The following HECA variants were observed in gnomAD, a reference collection of about 807,000 sequenced individuals.
HECA encodes HECA ribonucleoprotein granule regulator, also known as headcase protein homolog.
Under a neutral mutation model 37.6 loss-of-function variants are expected in HECA, and 13 were observed. The observed-to-expected ratio is 0.35, with a 90% CI of 0.23 to 0.55. HECA has a LOEUF of 0.55. Among genes scored for constraint, HECA ranks in the 20% least tolerant of loss-of-function variants. The pLI, the probability that HECA is intolerant of heterozygous loss-of-function variation, is 0.90. For synonymous variants in HECA, 307 were observed against 291.5 expected (o/e 1.05, Z -0.54); for missense variants, 527 against 701.9 (o/e 0.75, Z 2.82).
intron 2 of HECA, chr6:139,169,713 GGACTTTTTCACAT>G (rs920629656): frequency 6.6e-6 from 1 of 152,166 alleles, no homozygotes; most frequent in African/African-American, 2.4e-5. Flanking sequence ...AGGCTAGCTT[GGACTTTTTCACAT>G]GTTGCTCTCA....
At chr6:139,173,511 C>T (rs964489941) in intron 2 of HECA, among the ~76,000 whole-genome samples, 2 of 152,168 alleles carry the variant, frequency 1.3e-5, no homozygotes, top group African/African-American at 2.4e-5. Context: ...TGACTGATGG[C>T]AGTGAGCAGC....
At position 139,166,309 on chromosome 6, in the gene HECA, C is replaced by A. The variant is rs369530266; in HGVS notation, c.297C>A (p.Ile99=). 2.5e-6 allele frequency: 4 copies of A among 1,610,270 alleles called. No homozygotes were observed. Among genetic ancestry groups the A allele is most frequent in the Non-Finnish European group, 3.4e-6 (4 of 1,177,502 alleles). ...KNEAPCATPL[I]CSFGRPVDLE... Reference sequence around the variant, plus strand: ...AAGCCCCATGTGCCACTCCCCTGATCTGCAGCTTCGGTAGGCCGGTGGACC... The same window carrying A: ...AAGCCCCATGTGCCACTCCCCTGATATGCAGCTTCGGTAGGCCGGTGGACC... The change falls in exon 2 of 4, where the codon ATC becomes ATA. Residue 99 remains isoleucine, a synonymous_variant. Coordinates refer to ENST00000367658, the MANE Select transcript of HECA (RefSeq NM_016217.3).
intron 1 of HECA, among the ~76,000 whole-genome samples, chr6:139,135,873 G>C (rs1156872876): frequency 1.3e-5 from 2 of 151,666 alleles, no homozygotes; most frequent in Non-Finnish European, 1.5e-5. Context: ...CGGTGTCCGC[G>C]CGGGGGGCAG....
chr6:139,148,759 CTG>C (rs1774614217), intron 1 of HECA, among the ~76,000 whole-genome samples: 1 of 151,978 alleles, frequency 6.6e-6, no homozygotes, highest in African/African-American at 2.4e-5. Flanking sequence ...GAGGGAGACT[CTG>C]TCTCCAAAAA....
At chr6:139,140,940 G>C (rs933797034) in intron 1 of HECA, among the ~76,000 whole-genome samples, 1 of 152,014 alleles carries the variant, frequency 6.6e-6, no homozygotes, top group Admixed American at 6.6e-5. Context: ...ACAGGCACCC[G>C]CCACAATGCC....
At chr6:139,146,151 G>C (rs908908947) in intron 1 of HECA, among the ~76,000 whole-genome samples, 7 of 152,088 alleles carry the variant, frequency 4.6e-5, no homozygotes, top group Non-Finnish European at 8.8e-5. Context: ...CATTTTATTG[G>C]AAATTCATTA....
chr6:139,161,507 G>A (rs1774801907), intron 1 of HECA, among the ~76,000 whole-genome samples: 1 of 152,182 alleles, frequency 6.6e-6, no homozygotes, highest in South Asian at 2.1e-4. Flanking sequence ...TGTGTTCCAT[G>A]TGTGCACTTC....
chr6:139,136,045 C>T (rs1353765364), intron 1 of HECA, among the ~76,000 whole-genome samples: 3 of 151,934 alleles, frequency 2.0e-5, no homozygotes, highest in South Asian at 2.1e-4. Context: ...CGATTGAAAA[C>T]TTAGGCACCG....
At chr6:139,139,458 C>T (rs1434833323) in intron 1 of HECA, among the ~76,000 whole-genome samples, 1 of 152,164 alleles carries the variant, frequency 6.6e-6, no homozygotes, top group East Asian at 1.9e-4. Flanking sequence ...GAAGTATTAG[C>T]TGTTTGTCTT....
rs542236157 is a variant in HECA at position 139,142,567 on chromosome 6, T to C, written c.271+6900T>C. On this transcript the variant is annotated intron_variant, in intron 1 of 3. Transcript: ENST00000367658. ...CAGCAACTGGAGGGCCCCATTTGCA[T>C]CCGGAATTTGGAGCAGATGCTGTCG... Among the ~76,000 whole-genome samples the C allele has an allele frequency of 4.6e-5, 7 of 152,214 alleles. No individual in the cohort carries two copies. In the East Asian group the frequency reaches 1.4e-3, roughly 29 times the overall value.
At chr6:139,152,418 A>ATGTG (rs56410451) in intron 1 of HECA, among the ~76,000 whole-genome samples, 3,693 of 147,474 alleles carry the variant, frequency 0.025, 115 homozygotes, top group African/African-American at 0.074. Flanking sequence ...GAAGCATTGG[A>ATGTG]TGTGTGTGTG....
intron 1 of HECA, 59 bp downstream of exon 1, chr6:139,135,726 G>A (rs1226195730): frequency 3.0e-5 from 24 of 803,752 alleles, no homozygotes; most frequent in Non-Finnish European, 3.2e-5. Context: ...CGGCGCGGTG[G>A]CGGGGCCCTG....
intron 1 of HECA, chr6:139,150,969 C>G (rs1284807285): frequency 6.6e-6 from 1 of 152,200 alleles, no homozygotes; most frequent in Non-Finnish European, 1.5e-5. Flanking sequence ...TCACAACAAT[C>G]ATGACTGATT....
chr6:139,158,731 A>C (rs1774753613), intron 1 of HECA, among the ~76,000 whole-genome samples: 1 of 151,724 alleles, frequency 6.6e-6, no homozygotes, highest in Non-Finnish European at 1.5e-5. Context: ...TAACTACTTT[A>C]ATAACTTCTT....
At chr6:139,168,676 C>T (rs1774929595) in intron 2 of HECA, among the ~76,000 whole-genome samples, 1 of 151,960 alleles carries the variant, frequency 6.6e-6, no homozygotes. Flanking sequence ...ATCTTGTTTC[C>T]TAGATCTCAA....
chr6:139,173,401 C>T (rs1001973995), intron 2 of HECA, among the ~76,000 whole-genome samples: 2 of 152,152 alleles, frequency 1.3e-5, no homozygotes, highest in African/African-American at 2.4e-5. Flanking sequence ...TAAATGCAAA[C>T]GAAGGGCTCC....
rs1356465789 is a variant in HECA, at chr6:139,177,427, A to G, written c.*322A>G. 2 of 186,310 alleles carry G rather than the reference A, an allele frequency of 1.1e-5. No individual in the cohort carries two copies. Among genetic ancestry groups the G allele is most frequent in the Non-Finnish European group, 2.2e-5 (2 of 89,916 alleles). 11.5% of individuals were successfully genotyped at this position (186,310 alleles called of 1,614,324 possible). A position where few individuals can be genotyped will look rare whatever the true frequency, so the allele number is the denominator to read the frequency against. On this transcript the variant is annotated 3_prime_UTR_variant, in exon 4 of 4. Coordinates refer to ENST00000367658, the MANE Select transcript of HECA (RefSeq NM_016217.3). The surrounding 1 kb of genome is among the most constrained non-coding windows in gnomAD (Gnocchi z 4.9). Reference sequence around the variant, plus strand: ...AAGGAATTTGTGGTTATAAACTAAGAGCTTGATAGGAGTTGGAAGGAAACT... The same window carrying G: ...AAGGAATTTGTGGTTATAAACTAAGGGCTTGATAGGAGTTGGAAGGAAACT...
At chr6:139,145,048 A>G (rs1470073199) in intron 1 of HECA, among the ~76,000 whole-genome samples, 2 of 152,202 alleles carry the variant, frequency 1.3e-5, no homozygotes, top group East Asian at 1.9e-4. Context: ...TAGAAAGTGT[A>G]TATCTCTGTG....
chr6:139,149,088 T>A (rs1774618123), intron 1 of HECA, among the ~76,000 whole-genome samples: 1 of 152,176 alleles, frequency 6.6e-6, no homozygotes, highest in Non-Finnish European at 1.5e-5. Context: ...ATTTTTCTCC[T>A]TCTGGCACTT....
Sources: gnomAD v4.1 joint callset for allele counts (sites outside exome capture counted in the v4.1 genomes callset) on GRCh38, gnomAD v4.1.1 for gene constraint, Gnocchi (gnomAD v3.1) non-coding constraint, MANE v1.5 for transcripts, NCBI Gene and HGNC (gene_info 2026-07-23, HGNC 2026-07-21) for gene names.